ZNF385D: variants seen among roughly 807,000 people sequenced by gnomAD.
ZNF385D encodes the protein zinc finger protein 385D.
In ZNF385D, 15 loss-of-function variants were observed where a neutral mutation model predicts 35.8. The observed-to-expected ratio is 0.42, with a 90% confidence interval of 0.28 to 0.64. ZNF385D has a LOEUF of 0.64. Ranked by LOEUF, ZNF385D falls within the 30% of genes least tolerant of loss-of-function variation. ZNF385D has a pLI of 0.23. For synonymous variants in ZNF385D, 212 were observed against 186.8 expected, an observed-to-expected ratio of 1.13 and a Z score of -1.10; for missense variants, 474 against 494.6, an observed-to-expected ratio of 0.96 and a Z score of 0.39.
intron 2 of ZNF385D, among the ~76,000 whole-genome samples, chr3:22,244,777 A>C (rs1175649250): frequency 6.6e-6 from 1 of 151,004 alleles, no homozygotes; most frequent in Middle Eastern, 3.4e-3. Context: ...GAGCTCTAAA[A>C]TCATTGTAGG....
intron 3 of ZNF385D, among the ~76,000 whole-genome samples, chr3:21,869,021 T>C (rs1453021019): frequency 6.6e-6 from 1 of 152,022 alleles, no homozygotes; most frequent in Non-Finnish European, 1.5e-5. Flanking sequence ...AAAAACAACA[T>C]TCATTTTGTT....
At chr3:21,423,892 G>A in intron 7 of ZNF385D, 71 bp downstream of exon 7, 1 of 1,471,900 alleles carries the variant, frequency 6.8e-7, no homozygotes. Flanking sequence ...GTGGCAAAAT[G>A]CCAGAACAAA....
rs1229601219 is a variant in ZNF385D at position 21,418,166 on chromosome 3, A to G, written c.*3048T>C. The stretch of plus-strand genomic sequence containing the variant: ...CATTTATATTTGTTTCAAATGAATC[A>G]GAGCTGCTTTCTCTATCACTTTCCT... On this transcript the variant is annotated 3_prime_UTR_variant, in exon 8 of 8. Transcript: ENST00000281523. 6.6e-6 allele frequency: 1 copy of G among 152,184 alleles called. No individual in the cohort carries two copies. Among genetic ancestry groups the G allele is most frequent in the Non-Finnish European group, 1.5e-5 (1 of 68,010 alleles). 9.4% of individuals were successfully genotyped at this position (152,184 alleles called of 1,614,324 possible). A position where few individuals can be genotyped will look rare whatever the true frequency, so the allele number is the denominator to read the frequency against.
At chr3:22,212,897 CA>C (rs1207247011) in intron 2 of ZNF385D, among the ~76,000 whole-genome samples, 1 of 151,758 alleles carries the variant, frequency 6.6e-6, no homozygotes, top group Non-Finnish European at 1.5e-5. Context: ...GATGCACAGC[CA>C]AATTGATAAC....
chr3:21,578,457 T>G (rs1450582531), intron 2 of ZNF385D, among the ~76,000 whole-genome samples: 1 of 152,196 alleles, frequency 6.6e-6, no homozygotes, highest in Non-Finnish European at 1.5e-5. Flanking sequence ...GTTATAGTTT[T>G]GGGTATTACA....
intron 2 of ZNF385D, among the ~76,000 whole-genome samples, chr3:22,173,265 A>C (rs1694589981): frequency 1.3e-5 from 2 of 152,344 alleles, no homozygotes; most frequent in South Asian, 4.1e-4. Flanking sequence ...CCTTGAAATA[A>C]AACATGGACA....
intron 3 of ZNF385D, among the ~76,000 whole-genome samples, chr3:21,823,233 A>G (rs1489854186): frequency 6.6e-6 from 1 of 152,194 alleles, no homozygotes; most frequent in Non-Finnish European, 1.5e-5. Context: ...TACTTTATGT[A>G]GTTGGTTATT....
At chr3:21,597,772 G>A (rs2064167308) in intron 2 of ZNF385D, among the ~76,000 whole-genome samples, 1 of 152,144 alleles carries the variant, frequency 6.6e-6, no homozygotes. Flanking sequence ...TTTAAGATAA[G>A]CTCACCAAAC....
chr3:21,442,968 G>C (rs1214269834), intron 4 of ZNF385D, among the ~76,000 whole-genome samples: 1 of 150,460 alleles, frequency 6.6e-6, no homozygotes, highest in Non-Finnish European at 1.5e-5. Flanking sequence ...AGAAAGAGTG[G>C]CTGTTTTTGT....
chr3:21,871,657 T>C (rs542419278), intron 3 of ZNF385D, among the ~76,000 whole-genome samples: 4 of 152,128 alleles, frequency 2.6e-5, no homozygotes, highest in Non-Finnish European at 5.9e-5. Context: ...TTGATTAAGA[T>C]AGCATCCTGA....
intron 2 of ZNF385D, among the ~76,000 whole-genome samples, chr3:21,604,986 T>C (rs999124457): frequency 5.3e-5 from 8 of 152,202 alleles, no homozygotes; most frequent in African/African-American, 1.7e-4. Context: ...AAAGTTGCCT[T>C]GGGCATACCT....
At chr3:22,232,410 A>T (rs1576536434) in intron 2 of ZNF385D, among the ~76,000 whole-genome samples, 1 of 151,842 alleles carries the variant, frequency 6.6e-6, no homozygotes, top group South Asian at 2.1e-4. Context: ...TTATACTTTA[A>T]GTTCTGGGAT....
chr3:21,908,788 TA>T (rs919117792), intron 3 of ZNF385D, among the ~76,000 whole-genome samples: 2 of 151,812 alleles, frequency 1.3e-5, no homozygotes, highest in Non-Finnish European at 1.5e-5. Flanking sequence ...ACTAGTTCTT[TA>T]AAAAAAACAA....
At chr3:21,697,189 A>T (rs1390903149) in intron 1 of ZNF385D, among the ~76,000 whole-genome samples, 1 of 152,168 alleles carries the variant, frequency 6.6e-6, no homozygotes, top group African/African-American at 2.4e-5. Flanking sequence ...AAGCTACTTC[A>T]TGAGATTCCT....
intron 3 of ZNF385D, among the ~76,000 whole-genome samples, chr3:21,932,328 G>C (rs1701054461): frequency 6.6e-6 from 1 of 151,798 alleles, no homozygotes; most frequent in African/African-American, 2.4e-5. Context: ...TAGAACTAAG[G>C]AAAAAAGATT....
chr3:21,433,738 C>T (rs1327011113), intron 5 of ZNF385D, among the ~76,000 whole-genome samples: 1 of 152,122 alleles, frequency 6.6e-6, no homozygotes, highest in Non-Finnish European at 1.5e-5. Flanking sequence ...TCTGGCAACT[C>T]TAAATAACAT....
rs973446901 is a variant in ZNF385D at position 21,416,562 on chromosome 3, T to C, written c.*4652A>G. On this transcript the variant is annotated 3_prime_UTR_variant, in exon 8 of 8. Coordinates refer to ENST00000281523, the MANE Select transcript of ZNF385D (RefSeq NM_024697.3). ...AATGATCCATTTCACTTCCTGATAG[T>C]AGCCTCTCTAGCTACTGAAGCAAAC... is the stretch of plus-strand genomic sequence containing the variant. 1.3e-5 allele frequency: 2 copies of C among 152,074 alleles called. No individual in the cohort carries two copies. Among genetic ancestry groups the C allele is most frequent in the Non-Finnish European group, 2.9e-5 (2 of 68,000 alleles). 9.4% of individuals were successfully genotyped at this position (152,074 alleles called of 1,614,324 possible). A position where few individuals can be genotyped will look rare whatever the true frequency, so the allele number is the denominator to read the frequency against.
chr3:21,521,353 C>T, intron 3 of ZNF385D, among the ~76,000 whole-genome samples: 1 of 152,186 alleles, frequency 6.6e-6, no homozygotes, highest in East Asian at 1.9e-4. Flanking sequence ...TTCATTCATT[C>T]ACAAAGAACT....
At chr3:21,765,235 A>C (rs2070776875) in intron 3 of ZNF385D, among the ~76,000 whole-genome samples, 1 of 152,002 alleles carries the variant, frequency 6.6e-6, no homozygotes. Flanking sequence ...AGAGAGAGAG[A>C]GAGCATTTGA....
Sources: gnomAD v4.1 joint callset for allele counts (sites outside exome capture counted in the v4.1 genomes callset) on GRCh38, gnomAD v4.1.1 for gene constraint, MANE v1.5 for transcripts, NCBI Gene and HGNC (gene_info 2026-07-23, HGNC 2026-07-21) for gene names.